SCN3A: variants seen among roughly 807,000 people sequenced by gnomAD.
The protein encoded by SCN3A is sodium channel protein type 3 subunit alpha.
A neutral mutation model predicts 187.6 loss-of-function variants in SCN3A; 60 were observed. The observed-to-expected ratio is 0.32, with a 90% CI of 0.26 to 0.40. The LOEUF is 0.40. Ranked by LOEUF, SCN3A falls within the 10% of genes least tolerant of loss-of-function variation. The pLI, the probability that SCN3A is intolerant of heterozygous loss-of-function variation, is 1.00. For missense variants in SCN3A, 1,601 were observed against 2,428.2 expected (o/e 0.66, Z 7.16); for synonymous variants, 788 against 829.2 (o/e 0.95, Z 0.85).
At chr2:165,189,743 C>T (rs1691474643) in intron 1 of SCN3A, among the ~76,000 whole-genome samples, 1 of 152,080 alleles carries the variant, frequency 6.6e-6, no homozygotes, top group South Asian at 2.1e-4. Context: ...CCTTTAAGAT[C>T]TTCTAGTTCC....
Position 165,088,322 on chromosome 2 carries a change from T to C in SCN3A, c.*1828A>G, listed in dbSNP as rs1447936065. ...AAAAATTTATATCATGTTAGGTAAT[T>C]GCACAACTTTGCCACTTTGTTCATG... On this transcript the variant is annotated 3_prime_UTR_variant, in exon 28 of 28. Coordinates refer to ENST00000283254, the MANE Select transcript of SCN3A (RefSeq NM_006922.4). The C allele has an allele frequency of 6.6e-6, 1 of 152,486 alleles. No individual in the cohort carries two copies. The highest frequency in any genetic ancestry group is 2.4e-5 in the African/African-American group (1 of 41,424). The allele number at this position is 152,486 out of a possible 1,614,324, so 9.4% of individuals were successfully genotyped here.
At chr2:165,169,185 T>C (rs1167295629) in intron 4 of SCN3A, among the ~76,000 whole-genome samples, 1 of 151,908 alleles carries the variant, frequency 6.6e-6, no homozygotes, top group Non-Finnish European at 1.5e-5. Flanking sequence ...TCAGATATAT[T>C]CATCCTCACT....
intron 18 of SCN3A, 85 bp downstream of exon 18, chr2:165,127,546 G>A (rs1012984921): frequency 2.9e-6 from 3 of 1,025,314 alleles, no homozygotes; most frequent in Admixed American, 3.7e-5. Flanking sequence ...TTTTGATAAT[G>A]CATATAAGCA....
At chr2:165,151,595 A>G in intron 11 of SCN3A, among the ~76,000 whole-genome samples, 1 of 152,202 alleles carries the variant, frequency 6.6e-6, no homozygotes, top group East Asian at 1.9e-4. Flanking sequence ...TTGTTAGCTT[A>G]TGGCCTGGAA....
At chr2:165,180,848 A>C (rs1025964257) in intron 2 of SCN3A, among the ~76,000 whole-genome samples, 3 of 152,142 alleles carry the variant, frequency 2.0e-5, no homozygotes, top group African/African-American at 4.8e-5. Flanking sequence ...CTAGAGCAGT[A>C]GTTTTCAAAT....
intron 9 of SCN3A, among the ~76,000 whole-genome samples, chr2:165,157,493 T>A (rs1689131402): frequency 6.6e-6 from 1 of 152,202 alleles, no homozygotes; most frequent in Admixed American, 6.5e-5. Flanking sequence ...CATCACATCA[T>A]GCCAAGGGTA....
At chr2:165,165,396 A>C (rs1413613072) in intron 5 of SCN3A, among the ~76,000 whole-genome samples, 1 of 152,140 alleles carries the variant, frequency 6.6e-6, no homozygotes, top group Non-Finnish European at 1.5e-5. Context: ...AAATTCTTAA[A>C]TCAAACCTTG....
At chr2:165,094,325 C>G in intron 26 of SCN3A, 49 bp downstream of exon 26, 1 of 1,287,130 alleles carries the variant, frequency 7.8e-7, no homozygotes, top group Non-Finnish European at 1.1e-6. Context: ...TCAATTTGAC[C>G]ATATGGACGC....
intron 18 of SCN3A, among the ~76,000 whole-genome samples, chr2:165,123,665 C>G (rs888422353): frequency 1.3e-5 from 2 of 152,104 alleles, no homozygotes; most frequent in African/African-American, 4.8e-5. Flanking sequence ...CAAAATGTCA[C>G]TTTATGGATA....
intron 18 of SCN3A, among the ~76,000 whole-genome samples, chr2:165,119,928 T>C (rs1294269613): frequency 2.6e-5 from 4 of 152,192 alleles, no homozygotes; most frequent in Non-Finnish European, 5.9e-5. Context: ...AAAGCTTCCA[T>C]ATAAAACCAC....
At chr2:165,180,411 A>C (rs1336671437) in intron 2 of SCN3A, among the ~76,000 whole-genome samples, 2 of 152,174 alleles carry the variant, frequency 1.3e-5, no homozygotes, top group Admixed American at 6.5e-5. Flanking sequence ...CAATATGTTC[A>C]TCCCAGGGAA....
At chr2:165,187,418 A>T (rs1024668821) in intron 1 of SCN3A, among the ~76,000 whole-genome samples, 2 of 152,236 alleles carry the variant, frequency 1.3e-5, no homozygotes, top group African/African-American at 4.8e-5. Flanking sequence ...AGGGCAATAT[A>T]TATAATTCTA....
intron 18 of SCN3A, among the ~76,000 whole-genome samples, chr2:165,120,750 G>A (rs1456698108): frequency 6.6e-6 from 1 of 151,160 alleles, no homozygotes; most frequent in Non-Finnish European, 1.5e-5. Context: ...GCCACACAGT[G>A]AAGCCATTGG....
At chr2:165,097,721 A>T (rs1487376347) in intron 22 of SCN3A, 197 bp from the exon 23 acceptor site, 1 of 662,392 alleles carries the variant, frequency 1.5e-6, no homozygotes, top group Non-Finnish European at 2.5e-6. Flanking sequence ...CTAAGGTTTT[A>T]AGGAAAGCAA....
In SCN3A at chr2:165,190,613, T is replaced by C. The variant is rs150101031; in HGVS notation, c.-247-3866A>G. Among the ~76,000 whole-genome samples the C allele has an allele frequency of 1.6e-3, 240 of 147,500 alleles. 1 individual carries two copies. The highest frequency in any genetic ancestry group is 4.9e-3 in the Admixed American group (72 of 14,744). ...ATATATATATAACTTTATATATATATATATAAAACTTTGCATCACTTTTTA... is the reference window on the plus strand; with the variant it reads ...ATATATATATAACTTTATATATATACATATAAAACTTTGCATCACTTTTTA... On this transcript the variant is annotated intron_variant, in intron 1 of 27. Coordinates refer to ENST00000283254, the MANE Select transcript of SCN3A (RefSeq NM_006922.4).
chr2:165,173,038 T>C (rs1314473456), intron 3 of SCN3A, among the ~76,000 whole-genome samples: 1 of 152,164 alleles, frequency 6.6e-6, no homozygotes, highest in Non-Finnish European at 1.5e-5. Context: ...TAGATCGTCA[T>C]TGCTACAGCT....
At position 165,139,551 on chromosome 2, in the gene SCN3A, T is replaced by C. The variant is rs138331141; in HGVS notation, c.2077A>G (p.Met693Val). The C allele has an allele frequency of 1.7e-4, 277 of 1,613,980 alleles. No individual in the cohort carries two copies. In the South Asian group the frequency reaches 2.4e-3, roughly 14 times the overall value. Residue 693 changes from methionine (M) to valine (V), a missense_variant, in exon 14 of 28, where the codon ATG becomes GTG. Transcript: ENST00000283254. The stretch of plus-strand genomic sequence containing the variant: ...CCAGAGGAATCCTCCAGCATCTCCA[T>C]TGAAATCTGGTAAGAGCTTAACCTT... ...KRRLSSYQIS[M>V]EMLEDSSGRQ...
intron 11 of SCN3A, among the ~76,000 whole-genome samples, chr2:165,147,293 G>T (rs550287037): frequency 4.4e-5 from 6 of 136,290 alleles, no homozygotes; most frequent in Admixed American, 7.4e-5. Context: ...TGGGGGGGGG[G>T]GGTTGGTGAC....
chr2:165,163,537 C>A (rs899677604), intron 7 of SCN3A, 81 bp downstream of exon 7: 65 of 1,474,218 alleles, frequency 4.4e-5, no homozygotes, highest in Non-Finnish European at 5.5e-5. Flanking sequence ...TAATAAGCAA[C>A]AAGGCTAATG....
Sources: allele counts gnomAD v4.1 joint callset (sites outside exome capture counted in the v4.1 genomes callset), GRCh38; gene constraint gnomAD v4.1.1; transcripts MANE v1.5; gene names NCBI Gene and HGNC (gene_info 2026-07-23, HGNC 2026-07-21).